Variants in STK35 observed in about 807,000 individuals in gnomAD.
STK35 encodes the protein serine/threonine kinase 35, also known as serine/threonine-protein kinase 35.
STK35 carries 17 observed loss-of-function variants against 37.3 expected under a neutral mutation model. The ratio of observed to expected loss-of-function variants is 0.46; its 90% CI spans 0.31 to 0.68. The LOEUF is 0.68. Among genes scored for constraint, STK35 ranks in the 30% least tolerant of loss-of-function variants. The pLI is 0.05. For synonymous variants in STK35, 385 were observed against 319.1 expected, an observed-to-expected ratio of 1.21 and a Z score of -2.20; for missense variants, 595 against 746.7, an observed-to-expected ratio of 0.80 and a Z score of 2.37.
chr20:2,145,077 A>G lies in STK35; in HGVS notation c.*1331A>G, dbSNP rs557172841. 1.1e-4 allele frequency: 17 copies of G among 152,278 alleles called. No individual in the cohort carries two copies. Among genetic ancestry groups the G allele is most frequent in the African/African-American group, 4.1e-4 (17 of 41,400 alleles). 9.4% of individuals were successfully genotyped at this position (152,278 alleles called of 1,614,324 possible). On this transcript the variant is annotated 3_prime_UTR_variant, in exon 4 of 4. Transcript: ENST00000381482. The stretch of plus-strand genomic sequence containing the variant: ...ACCTTCAGGCTTCCCCAGCCATGAC[A>G]CTTCAGCCCCGCCACCCATGCCTGT...
At chr20:2,111,879 T>A (rs993053512) in intron 2 of STK35, among the ~76,000 whole-genome samples, 1 of 152,164 alleles carries the variant, frequency 6.6e-6, no homozygotes, top group Non-Finnish European at 1.5e-5. Flanking sequence ...ACTCCCCTCA[T>A]CCTGGGAGAC....
In STK35 at chr20:2,102,916, C is replaced by CG. The variant is rs766810671; in HGVS notation, c.445dup (p.Glu149GlyfsTer44). 6.4e-7 allele frequency: 1 copy of CG among 1,555,152 alleles called. No individual in the cohort carries two copies. The highest frequency in any genetic ancestry group is 2.5e-5 in the East Asian group (1 of 39,872). ...GGCGCCCGCAGAGGTACACAAAGCC[C>CG]GGAGCGGAAAAGGCGAAGCCCAGTG... On this transcript the variant is annotated frameshift_variant, in exon 2 of 4. Transcript: ENST00000381482. LOFTEE classifies it high-confidence loss of function.
chr20:2,112,948 A>G (rs998121706), intron 2 of STK35, among the ~76,000 whole-genome samples: 7 of 152,204 alleles, frequency 4.6e-5, no homozygotes, highest in Non-Finnish European at 8.8e-5. Flanking sequence ...GCATATATCT[A>G]TTCCAATTAT....
intron 3 of STK35, among the ~76,000 whole-genome samples, chr20:2,141,604 G>T (rs1388197453): frequency 2.0e-5 from 3 of 152,162 alleles, no homozygotes; most frequent in Non-Finnish European, 4.4e-5. Flanking sequence ...TATAACATTG[G>T]TGTGTGTTCA....
At chr20:2,113,786 A>C (rs557984305) in intron 2 of STK35, among the ~76,000 whole-genome samples, 1 of 152,198 alleles carries the variant, frequency 6.6e-6, no homozygotes, top group East Asian at 1.9e-4. Context: ...TGCCAAATGT[A>C]GTTCCTATCT....
At position 2,102,808 on chromosome 20, in the gene STK35, G is replaced by C. The variant is rs1265727682; in HGVS notation, c.335G>C (p.Gly112Ala). Residue 112 changes from glycine (G) to alanine (A), a missense_variant, in exon 2 of 4, where the codon GGA becomes GCA. Around this residue, in one of 3 missense-constraint regions of STK35, gnomAD observed 389 missense variants for 320.0 expected, o/e 1.22. Transcript: ENST00000381482. ...CCGGCTCCTCCGCGTCCCAGGGCCG[G>C]ACGGAGGGATGAGGCAGGGGGGGCC... ...QGPAPPRPRA[G>A]RRDEAGGARA... 1 of 1,509,034 alleles carries C rather than the reference G, an allele frequency of 6.6e-7. No individual in the cohort carries two copies. Among genetic ancestry groups the C allele is most frequent in the Non-Finnish European group, 8.8e-7 (1 of 1,133,894 alleles). The allele number at this position is 1,509,034 out of a possible 1,614,324, so 93.5% of individuals were successfully genotyped here.
At chr20:2,126,921 G>A (rs1985916159) in intron 3 of STK35, among the ~76,000 whole-genome samples, 1 of 152,122 alleles carries the variant, frequency 6.6e-6, no homozygotes. Context: ...GACATGGGAG[G>A]AATGGATTAG....
At chr20:2,121,033 A>G (rs1985807714) in intron 3 of STK35, among the ~76,000 whole-genome samples, 1 of 152,202 alleles carries the variant, frequency 6.6e-6, no homozygotes, top group African/African-American at 2.4e-5. Flanking sequence ...AGAGCATCTC[A>G]GACAGAAGTA....
At chr20:2,103,750 C>T (rs955096173) in intron 2 of STK35, among the ~76,000 whole-genome samples, 2 of 152,170 alleles carry the variant, frequency 1.3e-5, no homozygotes, top group Non-Finnish European at 2.9e-5. Context: ...GGGCCTCTCT[C>T]TTTCCCTCCC....
rs987383599 is a variant in STK35, at chr20:2,140,672, C to T, written c.*38-3112C>T. On this transcript the variant is annotated intron_variant, in intron 3 of 3. Transcript: ENST00000381482. ...ACCAGACTCAGACCTGTAGGCTGTT[C>T]TGAGGCTTCCAACAGGAGGGCCAGA... Among the ~76,000 whole-genome samples the T allele has an allele frequency of 2.0e-4, 30 of 152,306 alleles. No homozygotes were observed. The South Asian group carries it at 3.7e-3, about 19-fold the overall frequency.
At chr20:2,122,726 T>C (rs1344487440) in intron 3 of STK35, among the ~76,000 whole-genome samples, 1 of 152,204 alleles carries the variant, frequency 6.6e-6, no homozygotes, top group African/African-American at 2.4e-5. Flanking sequence ...CTGAATTAAT[T>C]GTAATACAGT....
intron 3 of STK35, among the ~76,000 whole-genome samples, chr20:2,138,240 T>G (rs181843138): frequency 6.6e-6 from 1 of 152,326 alleles, no homozygotes; most frequent in Non-Finnish European, 1.5e-5. Context: ...TGGGATGACT[T>G]TCTTTTCTAT....
chr20:2,112,617 ACT>A (rs1245983549), intron 2 of STK35, among the ~76,000 whole-genome samples: 1 of 152,058 alleles, frequency 6.6e-6, no homozygotes, highest in African/African-American at 2.4e-5. Context: ...CCTCGGGCAG[ACT>A]CTGAAGCCTT....
In STK35 at chr20:2,114,119, C is replaced by T. The variant is rs1046099048; in HGVS notation, c.893-2547C>T. ...TCTGGTCGTGAGGTAGCTGAGACCC[C>T]GTTAGACAGTCTGCTTGGAGTAAAG... On this transcript the variant is annotated intron_variant, in intron 2 of 3. Coordinates refer to ENST00000381482, the MANE Select transcript of STK35 (RefSeq NM_080836.4). Among the ~76,000 whole-genome samples, 4 of 152,024 alleles carry T rather than the reference C, an allele frequency of 2.6e-5. No individual in the cohort carries two copies. In the East Asian group the frequency reaches 5.8e-4, roughly 22 times the overall value.
chr20:2,103,393 A>T, intron 2 of STK35, 28 bp downstream of exon 2: 2 of 1,594,348 alleles, frequency 1.3e-6, no homozygotes, highest in Non-Finnish European at 1.7e-6. Context: ...CTTTCCACCC[A>T]CGCAGGGCCT....
rs1985519803 is a variant in STK35, at chr20:2,106,585, G to A, written c.892+3220G>A. Among the ~76,000 whole-genome samples, 3 of 152,356 alleles carry A rather than the reference G, an allele frequency of 2.0e-5. No individual in the cohort carries two copies. The South Asian group carries it at 6.2e-4, about 32-fold the overall frequency. On this transcript the variant is annotated intron_variant, in intron 2 of 3. Transcript: ENST00000381482. ...AAGGGCTTTGCACAAGAATTAAGAG[G>A]AAAGAGAATCAGGAGTTAGGGAGAA...
At chr20:2,130,872 G>C (rs1020048622) in intron 3 of STK35, among the ~76,000 whole-genome samples, 1 of 145,590 alleles carries the variant, frequency 6.9e-6, no homozygotes, top group East Asian at 1.9e-4. Flanking sequence ...TGGCCATCCC[G>C]TCACACCGTG....
chr20:2,105,417 C>A (rs191598715), intron 2 of STK35, among the ~76,000 whole-genome samples: 1 of 152,310 alleles, frequency 6.6e-6, no homozygotes, highest in East Asian at 1.9e-4. Context: ...TGCTTACTCT[C>A]TCAACATATA....
chr20:2,126,577 G>A (rs1985910475), intron 3 of STK35, among the ~76,000 whole-genome samples: 1 of 152,182 alleles, frequency 6.6e-6, no homozygotes, highest in Non-Finnish European at 1.5e-5. Flanking sequence ...GACCTAGGGA[G>A]AGTGCCCAAG....
Sources: allele counts gnomAD v4.1 joint callset (sites outside exome capture counted in the v4.1 genomes callset), GRCh38; gene constraint gnomAD v4.1.1; regional missense constraint gnomAD v4.1.1; transcripts MANE v1.5; gene names NCBI Gene and HGNC (gene_info 2026-07-23, HGNC 2026-07-21).